The following ARB2A variants were observed in gnomAD, a reference collection of about 807,000 sequenced individuals.
The protein encoded by ARB2A is cotranscriptional regulator ARB2A.
chr5:93,805,235 A>C, the ARB2A span: 2 of 985,072 alleles, frequency 2.0e-6, no homozygotes, highest in Non-Finnish European at 2.4e-6. Context: ...CCTTTCTTCT[A>C]TGATTTAAAA....
the ARB2A span, among the ~76,000 whole-genome samples, chr5:93,790,443 C>A: frequency 3.3e-5 from 5 of 152,170 alleles, no homozygotes; most frequent in African/African-American, 1.2e-4. Context: ...GTACGAAGGG[C>A]TGCTTTTTCC....
the ARB2A span, among the ~76,000 whole-genome samples, chr5:93,701,686 A>G: frequency 2.6e-5 from 4 of 152,166 alleles, no homozygotes; most frequent in African/African-American, 9.7e-5. Context: ...AACATATTAA[A>G]AATATTGATC....
the ARB2A span, among the ~76,000 whole-genome samples, chr5:94,029,967 G>T: frequency 6.6e-6 from 1 of 152,186 alleles, no homozygotes; most frequent in Non-Finnish European, 1.5e-5. Flanking sequence ...AGAGCAAGGG[G>T]TGTCTTACGT....
the ARB2A span, among the ~76,000 whole-genome samples, chr5:93,638,463 C>T: frequency 9.9e-5 from 15 of 152,048 alleles, no homozygotes; most frequent in Admixed American, 3.3e-4. Context: ...TTTAATACTG[C>T]GTATTTGTTG....
the ARB2A span, among the ~76,000 whole-genome samples, chr5:93,693,571 C>T: frequency 2.2e-5 from 1 of 45,898 alleles, no homozygotes; most frequent in East Asian, 4.7e-4. Flanking sequence ...AATAGCCTAC[C>T]AACCAAAAAA....
the ARB2A span, among the ~76,000 whole-genome samples, chr5:93,766,690 G>T: frequency 6.6e-6 from 1 of 152,160 alleles, no homozygotes; most frequent in East Asian, 1.9e-4. Flanking sequence ...CATTACTGGG[G>T]ATATACCCAA....
At chr5:93,722,883 A>G in the ARB2A span, among the ~76,000 whole-genome samples, 1 of 152,304 alleles carries the variant, frequency 6.6e-6, no homozygotes, top group East Asian at 1.9e-4. Context: ...ACAACATCTG[A>G]TTTAATAGTT....
At chr5:93,903,744 T>TATAGTCCTAGCCACATAGCAG in the ARB2A span, among the ~76,000 whole-genome samples, 3 of 151,400 alleles carry the variant, frequency 2.0e-5, no homozygotes, top group Non-Finnish European at 4.4e-5. Flanking sequence ...TGTGTGTGTG[T>TATAGTCCTAGCCACATAGCAG]ATAGTCCTAG....
chr5:94,039,513 G>A, the ARB2A span, among the ~76,000 whole-genome samples: 1 of 152,154 alleles, frequency 6.6e-6, no homozygotes, highest in African/African-American at 2.4e-5. Flanking sequence ...AAAAAGGGGA[G>A]GCAGGAATGA....
chr5:93,972,224 AG>A, the ARB2A span, among the ~76,000 whole-genome samples: 2 of 152,114 alleles, frequency 1.3e-5, no homozygotes, highest in African/African-American at 4.8e-5. Context: ...CTTACAATTA[AG>A]TGCTACCTAC....
At chr5:93,893,934 CT>C in the ARB2A span, among the ~76,000 whole-genome samples, 2 of 152,120 alleles carry the variant, frequency 1.3e-5, no homozygotes, top group African/African-American at 4.8e-5. Flanking sequence ...ACCATCAGAG[CT>C]ATTCTCCAAG....
the ARB2A span, among the ~76,000 whole-genome samples, chr5:93,649,750 A>C: frequency 2.0e-5 from 3 of 152,200 alleles, no homozygotes; most frequent in Admixed American, 2.0e-4. Flanking sequence ...TTGCCAAATT[A>C]AAGAGGCTTG....
the ARB2A span, among the ~76,000 whole-genome samples, chr5:93,892,180 T>A: frequency 6.6e-6 from 1 of 152,318 alleles, no homozygotes; most frequent in African/African-American, 2.4e-5. Context: ...ACAACTTGCA[T>A]TTTTTGTGTG....
At chr5:94,107,215 G>A in the ARB2A span, among the ~76,000 whole-genome samples, 57 of 152,106 alleles carry the variant, frequency 3.7e-4, no homozygotes, top group African/African-American at 1.3e-3. Context: ...TCTCAATTAC[G>A]TATATTACAA....
the ARB2A span, among the ~76,000 whole-genome samples, chr5:94,005,630 C>T: frequency 6.6e-6 from 1 of 152,116 alleles, no homozygotes; most frequent in Admixed American, 6.6e-5. Context: ...ATTTGCAAAC[C>T]ACCTATCTGA....
At chr5:93,857,886 C>T in the ARB2A span, among the ~76,000 whole-genome samples, 1 of 152,000 alleles carries the variant, frequency 6.6e-6, no homozygotes, top group Admixed American at 6.5e-5. Flanking sequence ...GTCGCTCATG[C>T]TGGGAGCTGT....
the ARB2A span, among the ~76,000 whole-genome samples, chr5:93,806,089 A>G: frequency 2.6e-5 from 4 of 152,052 alleles, no homozygotes; most frequent in East Asian, 3.9e-4. Flanking sequence ...ATTCCATTTC[A>G]GCTGGAAAAA....
the ARB2A span, among the ~76,000 whole-genome samples, chr5:93,876,276 G>A: frequency 6.6e-6 from 1 of 152,124 alleles, no homozygotes; most frequent in Non-Finnish European, 1.5e-5. Context: ...TCTGTTGGCA[G>A]ATGTTTTTGA....
chr5:93,966,424 G>T, the ARB2A span, among the ~76,000 whole-genome samples: 1 of 151,958 alleles, frequency 6.6e-6, no homozygotes, highest in Non-Finnish European at 1.5e-5. Context: ...AATCCTCAAG[G>T]TTTATACTAC....
Sources: allele counts gnomAD v4.1 joint callset (sites outside exome capture counted in the v4.1 genomes callset), GRCh38; gene constraint gnomAD v4.1.1; transcripts MANE v1.5; gene names NCBI Gene and HGNC (gene_info 2026-07-23, HGNC 2026-07-21).